The following FRZB variants were observed in gnomAD, a reference collection of about 807,000 sequenced individuals.
The protein encoded by FRZB is frizzled related protein.
In FRZB, 34 loss-of-function variants were observed where a neutral mutation model predicts 32.5. The ratio of observed to expected loss-of-function variants is 1.05; its 90% CI spans 0.80 to 1.39. The LOEUF (loss-of-function observed/expected upper bound fraction) is 1.39. Among genes scored for constraint, FRZB ranks in the 40% most tolerant of loss-of-function variants. The probability of loss-of-function intolerance (pLI) is 0.00; values close to 1 mark genes in which losing one functional copy is unlikely to be tolerated. For synonymous variants in FRZB, 170 were observed against 159.2 expected (o/e 1.07, Z -0.51); for missense variants, 423 against 424.8 (o/e 1.00, Z 0.04).
chr2:182,840,066 T>C (rs1695570758), intron 3 of FRZB, among the ~76,000 whole-genome samples: 1 of 152,146 alleles, frequency 6.6e-6, no homozygotes, highest in African/African-American at 2.4e-5. Context: ...AAGCTTCACA[T>C]TTCAGTCTTC....
chr2:182,853,054 A>T (rs948909324), intron 2 of FRZB, among the ~76,000 whole-genome samples: 28 of 152,156 alleles, frequency 1.8e-4, no homozygotes, highest in African/African-American at 5.3e-4. Context: ...CATTTCTCCA[A>T]AGCATAAATT....
At chr2:182,838,924 T>C (rs1695557530) in intron 3 of FRZB, among the ~76,000 whole-genome samples, 1 of 152,158 alleles carries the variant, frequency 6.6e-6, no homozygotes, top group Non-Finnish European at 1.5e-5. Flanking sequence ...GTCAACAATC[T>C]GATACAATTT....
chr2:182,862,316 G>C (rs1440293129), intron 1 of FRZB, among the ~76,000 whole-genome samples: 2 of 152,228 alleles, frequency 1.3e-5, no homozygotes, highest in South Asian at 2.1e-4. Flanking sequence ...ACGGCAAACT[G>C]TAGGTGTTGT....
intron 3 of FRZB, 148 bp downstream of exon 3, chr2:182,842,330 A>T: frequency 1.6e-6 from 1 of 619,250 alleles, no homozygotes; most frequent in South Asian, 1.9e-5. Context: ...GTCGGGGCAG[A>T]GGGACTATGC....
At chr2:182,853,470 C>T (rs900399629) in intron 2 of FRZB, among the ~76,000 whole-genome samples, 1 of 152,090 alleles carries the variant, frequency 6.6e-6, no homozygotes, top group Non-Finnish European at 1.5e-5. Flanking sequence ...GAAGGAGTGA[C>T]CCTTCAAATA....
chr2:182,860,121 T>C (rs1039381760), intron 1 of FRZB, among the ~76,000 whole-genome samples: 8 of 152,184 alleles, frequency 5.3e-5, no homozygotes, highest in Admixed American at 1.3e-4. Context: ...AGGGAATCAC[T>C]TCAAAATAGC....
chr2:182,853,284 T>C (rs920859700), intron 2 of FRZB, among the ~76,000 whole-genome samples: 2 of 152,208 alleles, frequency 1.3e-5, no homozygotes, highest in African/African-American at 4.8e-5. Flanking sequence ...TTTTGTATAT[T>C]GTTGATAGTG....
At chr2:182,858,676 A>G in intron 2 of FRZB, 110 bp downstream of exon 2, 2 of 701,222 alleles carry the variant, frequency 2.9e-6, no homozygotes, top group South Asian at 2.5e-5. Context: ...TAAAAAGTTT[A>G]CTTGTAAAAT....
intron 2 of FRZB, among the ~76,000 whole-genome samples, chr2:182,846,367 ACT>A (rs890703257): frequency 2.0e-5 from 3 of 151,812 alleles, no homozygotes; most frequent in Non-Finnish European, 2.9e-5. Context: ...AGATCCCCAA[ACT>A]CTCATAACCT....
At chr2:182,856,359 C>CGTGT (rs200528788) in intron 2 of FRZB, among the ~76,000 whole-genome samples, 2 of 151,578 alleles carry the variant, frequency 1.3e-5, no homozygotes, top group Admixed American at 6.6e-5. Context: ...ATCTCACATA[C>CGTGT]GTGTGTGTGT....
intron 5 of FRZB, 96 bp downstream of exon 5, chr2:182,837,852 G>A (rs528336499): frequency 3.8e-5 from 33 of 879,958 alleles, no homozygotes. Context: ...TTCTCATATG[G>A]TTGAAGGCAG....
chr2:182,856,326 T>G (rs1695768443), intron 2 of FRZB, among the ~76,000 whole-genome samples: 1 of 151,776 alleles, frequency 6.6e-6, no homozygotes, highest in African/African-American at 2.4e-5. Flanking sequence ...AAATATAAAA[T>G]TATCTCATGA....
chr2:182,861,849 G>A (rs1695834515), intron 1 of FRZB, among the ~76,000 whole-genome samples: 1 of 152,106 alleles, frequency 6.6e-6, no homozygotes, highest in Non-Finnish European at 1.5e-5. Flanking sequence ...ATTAAGATTT[G>A]GAGACTACAT....
intron 2 of FRZB, among the ~76,000 whole-genome samples, chr2:182,857,751 A>G (rs1695786867): frequency 6.6e-6 from 1 of 152,180 alleles, no homozygotes; most frequent in Non-Finnish European, 1.5e-5. Context: ...AACAATAGAG[A>G]AAATGAATAA....
chr2:182,865,952 C>A, intron 1 of FRZB, 123 bp downstream of exon 1: 1 of 721,904 alleles, frequency 1.4e-6, no homozygotes, highest in Non-Finnish European at 2.3e-6. Flanking sequence ...GATAGAGGAG[C>A]AGTTATGGGA....
At chr2:182,864,991 G>T (rs1038683037) in intron 1 of FRZB, among the ~76,000 whole-genome samples, 10 of 152,188 alleles carry the variant, frequency 6.6e-5, no homozygotes, top group African/African-American at 2.4e-4. Flanking sequence ...TACTGAGTTA[G>T]AATTAAATGG....
At chr2:182,848,177 G>A (rs1695666850) in intron 2 of FRZB, among the ~76,000 whole-genome samples, 3 of 152,082 alleles carry the variant, frequency 2.0e-5, no homozygotes, top group African/African-American at 7.2e-5. Flanking sequence ...TTACAATGCT[G>A]GCACCACTGC....
intron 2 of FRZB, among the ~76,000 whole-genome samples, chr2:182,847,246 T>C (rs890595964): frequency 7.9e-5 from 12 of 152,166 alleles, no homozygotes; most frequent in Non-Finnish European, 1.8e-4. Context: ...TGGCCTCCAA[T>C]ATACTGTGAG....
Position 182,838,478 on chromosome 2 carries a change from C to T in FRZB, c.728G>A (p.Cys243Tyr). 2 of 1,612,996 alleles carry T rather than the reference C, an allele frequency of 1.2e-6. No individual in the cohort carries two copies. The highest frequency in any genetic ancestry group is 1.7e-5 in the Admixed American group (1 of 59,884). Residue 243 changes from cysteine (C) to tyrosine (Y), a missense_variant, in exon 4 of 6, where the codon TGC becomes TAC. By Grantham distance (194) the Cys-to-Tyr change is radical. Coordinates refer to ENST00000295113, the MANE Select transcript of FRZB (RefSeq NM_001463.4). ...DTVNLYTSSG[C>Y]LCPPLNVNEE... ...ATTAACATTAAGTGGAGGGCAGAGG[C>T]AGCCAGAGCTGGTATAGAGGTTGAC...
Sources: gnomAD v4.1 joint callset for allele counts (sites outside exome capture counted in the v4.1 genomes callset) on GRCh38, gnomAD v4.1.1 for gene constraint, MANE v1.5 for transcripts, NCBI Gene and HGNC (gene_info 2026-07-23, HGNC 2026-07-21) for gene names.